The following CNTNAP2 variants were observed in gnomAD, a reference collection of about 807,000 sequenced individuals.
The protein encoded by CNTNAP2 is contactin associated protein 2, also known as contactin-associated protein-like 2.
A neutral mutation model predicts 155.2 loss-of-function variants in CNTNAP2; 98 were observed. The observed-to-expected ratio is 0.63, with a 90% confidence interval of 0.54 to 0.75. CNTNAP2 has a LOEUF of 0.75. Ranked by LOEUF, CNTNAP2 falls within the 30% of genes least tolerant of loss-of-function variation. The pLI is 0.00. For missense variants in CNTNAP2, 1,727 were observed against 1,688.1 expected (o/e 1.02, Z -0.40); for synonymous variants, 651 against 631.2 (o/e 1.03, Z -0.47).
rs1803030064 is a variant in CNTNAP2, at chr7:146,809,691, G to A, written c.209-30020G>A. On this transcript the variant is annotated intron_variant, in intron 2 of 23. Coordinates refer to ENST00000361727, the MANE Select transcript of CNTNAP2 (RefSeq NM_014141.6). The stretch of plus-strand genomic sequence containing the variant: ...TGCTGGCCATTTGTAAGTCTTCTTT[G>A]AAAATGTGTCTTCACTTTTTAGAAA... 3.3e-5 allele frequency among the ~76,000 whole-genome samples: 5 copies of A among 152,164 alleles called. No individual in the cohort carries two copies. In the South Asian group the frequency reaches 1.0e-3, roughly 32 times the overall value.
intron 13 of CNTNAP2, among the ~76,000 whole-genome samples, chr7:147,795,084 G>T (rs1010569620): frequency 4.0e-5 from 6 of 151,122 alleles, no homozygotes; most frequent in African/African-American, 1.2e-4. Flanking sequence ...AATTTATTTT[G>T]TATATCTCCA....
chr7:146,545,437 AC>A (rs2129141733), intron 1 of CNTNAP2, among the ~76,000 whole-genome samples: 1 of 151,644 alleles, frequency 6.6e-6, no homozygotes, highest in African/African-American at 2.4e-5. Context: ...GGTTGGCTGC[AC>A]CCATCAACCC....
chr7:148,280,030 C>CG (rs556177044), intron 21 of CNTNAP2, among the ~76,000 whole-genome samples: 20 of 152,230 alleles, frequency 1.3e-4, no homozygotes, highest in African/African-American at 4.8e-4. Context: ...ACAAGGAGGC[C>CG]GGGCATGGTG....
chr7:148,342,882 C>G (rs1798259483), intron 21 of CNTNAP2, among the ~76,000 whole-genome samples: 1 of 152,218 alleles, frequency 6.6e-6, no homozygotes, highest in Non-Finnish European at 1.5e-5. Context: ...AGGACACCAG[C>G]CAGAGTTTCT....
intron 2 of CNTNAP2, among the ~76,000 whole-genome samples, chr7:146,813,136 T>A (rs1380520773): frequency 6.6e-6 from 1 of 152,036 alleles, no homozygotes; most frequent in African/African-American, 2.4e-5. Context: ...AAATGTAGGG[T>A]CAGAGCCCCC....
In CNTNAP2 at chr7:148,416,248, G is replaced by T. The variant is rs1032776991; in HGVS notation, c.*632G>T. The T allele has an allele frequency of 2.0e-5, 3 of 153,308 alleles. No individual in the cohort carries two copies. Among genetic ancestry groups the T allele is most frequent in the African/African-American group, 7.3e-5 (3 of 41,340 alleles). The allele number at this position is 153,308 out of a possible 1,614,324, so 9.5% of individuals were successfully genotyped here. ...ATACCAGCAGTTGAAGGAAGAGAGT[G>T]CATGGCACCTGGTGTGTAACGACAC... On this transcript the variant is annotated 3_prime_UTR_variant, in exon 24 of 24. Transcript: ENST00000361727.
At chr7:148,253,026 A>ATAGATAGC (rs1796392436) in intron 20 of CNTNAP2, among the ~76,000 whole-genome samples, 2 of 139,082 alleles carry the variant, frequency 1.4e-5, no homozygotes, top group African/African-American at 5.4e-5. Context: ...AGATAGATAG[A>ATAGATAGC]TAGATAGATA....
chr7:146,510,052 G>A (rs775669235), intron 1 of CNTNAP2, among the ~76,000 whole-genome samples: 2 of 152,130 alleles, frequency 1.3e-5, no homozygotes, highest in Non-Finnish European at 2.9e-5. Context: ...CAATTGTCAA[G>A]TTCCAGTTCC....
intron 9 of CNTNAP2, among the ~76,000 whole-genome samples, chr7:147,335,916 G>C (rs1338830955): frequency 6.6e-6 from 1 of 152,118 alleles, no homozygotes; most frequent in African/African-American, 2.4e-5. Flanking sequence ...ATACTAATCA[G>C]AAAGGAAGGA....
intron 15 of CNTNAP2, among the ~76,000 whole-genome samples, chr7:148,004,601 C>T (rs1326032538): frequency 6.6e-6 from 1 of 152,038 alleles, no homozygotes; most frequent in Non-Finnish European, 1.5e-5. Flanking sequence ...GGAACCTTTT[C>T]CAGTAAGTTC....
intron 15 of CNTNAP2, among the ~76,000 whole-genome samples, chr7:148,007,811 T>C (rs1008329038): frequency 1.3e-5 from 2 of 152,206 alleles, no homozygotes; most frequent in Non-Finnish European, 2.9e-5. Flanking sequence ...TCATTAAATA[T>C]ATGACACAAT....
intron 2 of CNTNAP2, among the ~76,000 whole-genome samples, chr7:146,775,387 A>T (rs1048825178): frequency 4.6e-5 from 7 of 152,292 alleles, no homozygotes; most frequent in African/African-American, 1.7e-4. Context: ...TTCACAATAC[A>T]TATGTCAAAA....
chr7:147,164,615 G>A (rs535249495), intron 8 of CNTNAP2, among the ~76,000 whole-genome samples: 9 of 152,104 alleles, frequency 5.9e-5, no homozygotes, highest in East Asian at 1.9e-4. Context: ...AATTGTAAGC[G>A]AAATTTAAGG....
chr7:147,206,689 CTT>C (rs964518240), intron 8 of CNTNAP2, among the ~76,000 whole-genome samples: 2 of 152,148 alleles, frequency 1.3e-5, no homozygotes, highest in African/African-American at 4.8e-5. Flanking sequence ...CTGAAAGCCT[CTT>C]TGGCAATATA....
intron 10 of CNTNAP2, among the ~76,000 whole-genome samples, chr7:147,472,392 T>C (rs149687797): frequency 0.021 from 3,143 of 151,988 alleles, 104 homozygotes; most frequent in African/African-American, 0.072. Flanking sequence ...TTTGTATTTT[T>C]AGTAGAGATG....
At chr7:148,162,295 A>G (rs932643751) in intron 17 of CNTNAP2, among the ~76,000 whole-genome samples, 3 of 152,218 alleles carry the variant, frequency 2.0e-5, no homozygotes, top group Admixed American at 6.5e-5. Context: ...TATTTAGACA[A>G]GAGTTCTAGG....
chr7:146,207,390 G>A (rs1178313648), intron 1 of CNTNAP2, among the ~76,000 whole-genome samples: 1 of 151,872 alleles, frequency 6.6e-6, no homozygotes, highest in Non-Finnish European at 1.5e-5. Flanking sequence ...TTCCATTCAA[G>A]ATGTACTGAG....
intron 2 of CNTNAP2, among the ~76,000 whole-genome samples, chr7:146,778,697 G>T (rs1162464090): frequency 1.3e-5 from 2 of 152,180 alleles, no homozygotes; most frequent in Non-Finnish European, 2.9e-5. Flanking sequence ...ATTATAAACT[G>T]CTTTCATCTG....
At chr7:147,951,295 AG>A (rs1800926524) in intron 14 of CNTNAP2, among the ~76,000 whole-genome samples, 1 of 152,252 alleles carries the variant, frequency 6.6e-6, no homozygotes, top group South Asian at 2.1e-4. Flanking sequence ...GAAAAAGTAC[AG>A]AAAGAAAAAT....
Sources: allele counts gnomAD v4.1 joint callset (sites outside exome capture counted in the v4.1 genomes callset), GRCh38; gene constraint gnomAD v4.1.1; transcripts MANE v1.5; gene names NCBI Gene and HGNC (gene_info 2026-07-23, HGNC 2026-07-21).